The following ABL2 variants were observed in gnomAD, a reference collection of about 807,000 sequenced individuals.
ABL2 encodes the protein tyrosine-protein kinase ABL2.
ABL2 carries 49 observed loss-of-function variants against 107.7 expected under a neutral mutation model. That is an observed-to-expected ratio of 0.45 (90% CI 0.36 to 0.58). ABL2 has a LOEUF of 0.58. ABL2 is among the 20% of genes least tolerant of loss of function. The pLI is 0.00. For synonymous variants in ABL2, 549 were observed against 548.6 expected (o/e 1.00, Z -0.01); for missense variants, 1,245 against 1,457.0 (o/e 0.85, Z 2.37).
intron 1 of ABL2, among the ~76,000 whole-genome samples, chr1:179,155,566 T>C (rs1216970438): frequency 1.3e-5 from 2 of 151,814 alleles, no homozygotes; most frequent in Admixed American, 1.3e-4. Context: ...CCGTCTCTAT[T>C]AAAAATACAA....
intron 1 of ABL2, among the ~76,000 whole-genome samples, chr1:179,149,342 T>C (rs1240622936): frequency 6.6e-6 from 1 of 152,218 alleles, no homozygotes; most frequent in Non-Finnish European, 1.5e-5. Flanking sequence ...GGTTGGTTCA[T>C]GAGATTTAAG....
intron 4 of ABL2, among the ~76,000 whole-genome samples, chr1:179,123,177 G>A (rs1307823124): frequency 6.6e-6 from 1 of 152,144 alleles, no homozygotes; most frequent in Non-Finnish European, 1.5e-5. Flanking sequence ...ATTATGACGT[G>A]CAGTTGAGTG....
intron 1 of ABL2, among the ~76,000 whole-genome samples, chr1:179,180,222 G>A (rs1228951469): frequency 6.6e-6 from 1 of 152,176 alleles, no homozygotes; most frequent in Admixed American, 6.5e-5. Flanking sequence ...TATGGCTACA[G>A]CCTCAGGAGC....
At chr1:179,166,575 G>A (rs530357369) in intron 1 of ABL2, among the ~76,000 whole-genome samples, 21 of 151,928 alleles carry the variant, frequency 1.4e-4, no homozygotes, top group South Asian at 4.2e-4. Flanking sequence ...GCAGGAGTTC[G>A]AGACCAGCCT....
At chr1:179,197,388 G>C (rs191136354) in intron 1 of ABL2, among the ~76,000 whole-genome samples, 84 of 152,072 alleles carry the variant, frequency 5.5e-4, no homozygotes, top group African/African-American at 1.7e-3. Flanking sequence ...AAAAGCTAAA[G>C]AGCAAATCAA....
At position 179,131,262 on chromosome 1, in the gene ABL2, A is replaced by T. The variant is rs771810227; in HGVS notation, c.391+49T>A. 4 of 1,584,664 alleles carry T rather than the reference A, an allele frequency of 2.5e-6. No individual in the cohort carries two copies. The Admixed American group carries it at 5.1e-5, about 20-fold the overall frequency. ...CCTGGCCAGGCCCCTTTATCTCTTAATCATTAATGAAAACTGAAAAGTGAA... is the reference window on the plus strand; with the variant it reads ...CCTGGCCAGGCCCCTTTATCTCTTATTCATTAATGAAAACTGAAAAGTGAA... On this transcript the variant is annotated intron_variant, in intron 3 of 11. Transcript: ENST00000502732.
At chr1:179,161,343 C>A (rs1230363332) in intron 1 of ABL2, among the ~76,000 whole-genome samples, 1 of 144,864 alleles carries the variant, frequency 6.9e-6, no homozygotes, top group Non-Finnish European at 1.5e-5. Flanking sequence ...CACAGGGATA[C>A]CCTACCTCAA....
At chr1:179,176,477 T>C (rs1019831941) in intron 1 of ABL2, among the ~76,000 whole-genome samples, 4 of 150,644 alleles carry the variant, frequency 2.7e-5, no homozygotes, top group Admixed American at 2.6e-4. Flanking sequence ...ATATACACTA[T>C]GTACCCACAA....
rs1449823891 is a variant in ABL2, at chr1:179,181,754, TG to T, written c.157+47486del. On this transcript the variant is annotated intron_variant, in intron 1 of 11. Coordinates refer to ENST00000502732, the MANE Select transcript of ABL2 (RefSeq NM_007314.4). Reference sequence around the variant, plus strand: ...TCTCCCATCTACTGACCGCTATCTTTGAACTATCTTTTTTTAATTTTTATTT... The same window carrying T: ...TCTCCCATCTACTGACCGCTATCTTTAACTATCTTTTTTTAATTTTTATTT... Among the ~76,000 whole-genome samples the T allele has an allele frequency of 3.9e-5, 6 of 152,104 alleles. No homozygotes were observed. The East Asian group carries it at 1.2e-3, about 29-fold the overall frequency.
At chr1:179,138,524 G>C (rs1004425198) in intron 1 of ABL2, among the ~76,000 whole-genome samples, 6 of 152,240 alleles carry the variant, frequency 3.9e-5, no homozygotes, top group Admixed American at 3.3e-4. Context: ...AACACCATTG[G>C]GACTCAATAT....
chr1:179,117,267 A>T (rs775648698), intron 8 of ABL2, 65 bp downstream of exon 8: 1 of 1,490,510 alleles, frequency 6.7e-7, no homozygotes, highest in East Asian at 2.3e-5. Flanking sequence ...AGAAGCTCTA[A>T]AGAATCAAGG....
chr1:179,201,499 T>C (rs976323188), intron 1 of ABL2: 13 of 257,462 alleles, frequency 5.0e-5, no homozygotes, highest in Non-Finnish European at 9.0e-5. Context: ...CCAAGGTGAT[T>C]CCCTCTCCAA....
At chr1:179,116,829 CTTTTT>C (rs35259294) in intron 8 of ABL2, 3 of 145,606 alleles carry the variant, frequency 2.1e-5, no homozygotes, top group South Asian at 2.0e-4. Context: ...CTTCTTTATA[CTTTTT>C]TTTTTTTTTT....
At chr1:179,174,564 A>ATGTG in intron 1 of ABL2, among the ~76,000 whole-genome samples, 1 of 152,218 alleles carries the variant, frequency 6.6e-6, no homozygotes, top group Non-Finnish European at 1.5e-5. Context: ...ATATATATGT[A>ATGTG]TGTATGTATA....
At chr1:179,216,608 T>A (rs990078871) in intron 1 of ABL2, among the ~76,000 whole-genome samples, 1 of 152,138 alleles carries the variant, frequency 6.6e-6, no homozygotes, top group Non-Finnish European at 1.5e-5. Flanking sequence ...TCTGGAGTGT[T>A]AAGCTAAAAT....
rs893098775 is a variant in ABL2, at chr1:179,142,838, A to T, written c.158-9464T>A. 3.5e-6 allele frequency: 5 copies of T among 1,413,370 alleles called. No homozygotes were observed. In the African/African-American group the frequency reaches 7.1e-5, roughly 20 times the overall value. The allele number at this position is 1,413,370 out of a possible 1,614,324, so 87.6% of individuals were successfully genotyped here. ...TCACTGACCAAGAATGAAGACAAAA[A>T]CAGTAGCAGATAAGATGAATTTTTT... is the stretch of plus-strand genomic sequence containing the variant. On this transcript the variant is annotated intron_variant, in intron 1 of 11. Transcript: ENST00000502732.
intron 1 of ABL2, among the ~76,000 whole-genome samples, chr1:179,145,673 T>C (rs1657935419): frequency 1.3e-5 from 2 of 152,096 alleles, no homozygotes; most frequent in African/African-American, 4.8e-5. Context: ...GTAGACAATG[T>C]AGCAAGTTCA....
intron 2 of ABL2, among the ~76,000 whole-genome samples, chr1:179,132,743 T>C (rs1189154378): frequency 3.3e-5 from 5 of 151,990 alleles, no homozygotes; most frequent in African/African-American, 7.3e-5. Flanking sequence ...GATTTTACCA[T>C]GTTGGCCAGG....
chr1:179,117,166 A>G, intron 8 of ABL2, 166 bp downstream of exon 8: 1 of 727,816 alleles, frequency 1.4e-6, no homozygotes, highest in Non-Finnish European at 2.2e-6. Context: ...TTCTTAACAC[A>G]GTCCTGGCAG....
Sources: allele counts gnomAD v4.1 joint callset (sites outside exome capture counted in the v4.1 genomes callset), GRCh38; gene constraint gnomAD v4.1.1; transcripts MANE v1.5; gene names NCBI Gene and HGNC (gene_info 2026-07-23, HGNC 2026-07-21).